KRT3: variants seen among roughly 807,000 people sequenced by gnomAD.
The protein encoded by KRT3 is keratin 3.
A neutral mutation model predicts 45.8 loss-of-function variants in KRT3; 34 were observed. The ratio of observed to expected loss-of-function variants is 0.74; its 90% CI spans 0.57 to 0.99. KRT3 has a LOEUF of 0.99. Among genes scored for constraint, KRT3 ranks in the 50% least tolerant of loss-of-function variants. The pLI is 0.00. For synonymous variants in KRT3, 367 were observed against 329.0 expected (o/e 1.12, Z -1.25); for missense variants, 828 against 820.6 (o/e 1.01, Z -0.11).
Position 52,795,865 on chromosome 12 carries a change from G to T in KRT3, c.178C>A (p.Leu60Met), listed in dbSNP as rs1565679806. 6.2e-7 allele frequency: 1 copy of T among 1,614,166 alleles called. No homozygotes were observed. The highest frequency in any genetic ancestry group is 1.7e-5 in the Admixed American group (1 of 60,030). The change falls in exon 1 of 9, where the codon CTG becomes ATG. Residue 60 changes from leucine (L) to methionine (M), a missense_variant. Transcript: ENST00000417996. ...ATGGAGATGCTCTTGTTGCCGCCCAGGTTGTAGAGGCTGCGACTGCCAAAG... is the reference window on the plus strand; with the variant it reads ...ATGGAGATGCTCTTGTTGCCGCCCATGTTGTAGAGGCTGCGACTGCCAAAG... ...GGFGSRSLYNLGGNKSISISV... is the reference protein window; with the variant it reads ...GGFGSRSLYNMGGNKSISISV...
At position 52,792,421 on chromosome 12, in the gene KRT3, GC is replaced by G. The variant is rs752343991; in HGVS notation, c.1024-19del. 9 of 1,612,518 alleles carry G rather than the reference GC, an allele frequency of 5.6e-6. No homozygotes were observed. The African/African-American group carries it at 8.0e-5, about 14-fold the overall frequency. ...GATAGCTCCTGTCAACACAGAGGGA[GC>G]TTGTTCACTTTTGGGGTCCCTGTAA... On this transcript the variant is annotated intron_variant, in intron 4 of 8. Transcript: ENST00000417996.
At chr12:52,794,907 G>A (rs149101647) in intron 1 of KRT3, among the ~76,000 whole-genome samples, 52 of 152,322 alleles carry the variant, frequency 3.4e-4, no homozygotes, top group Non-Finnish European at 6.3e-4. Context: ...TCATTTCTCT[G>A]CGCTCCCTTG....
At position 52,795,381 on chromosome 12, in the gene KRT3, A is replaced by G. The variant is rs1939612442; in HGVS notation, c.645+17T>C. 2 of 1,613,826 alleles carry G rather than the reference A, an allele frequency of 1.2e-6. No homozygotes were observed. Among genetic ancestry groups the G allele is most frequent in the Non-Finnish European group, 8.5e-7 (1 of 1,179,954 alleles). On this transcript the variant is annotated intron_variant, in intron 1 of 8. Coordinates refer to ENST00000417996, the MANE Select transcript of KRT3 (RefSeq NM_057088.3). Reference sequence around the variant, plus strand: ...GTCCCCAGCCCAGGAAGGGATGACCAGTCAAAGCTTCATTACCTTGTCAAT... The same window carrying G: ...GTCCCCAGCCCAGGAAGGGATGACCGGTCAAAGCTTCATTACCTTGTCAAT...
Position 52,796,092 on chromosome 12 carries a change from G to A in KRT3, c.-50C>T, listed in dbSNP as rs956108694. On this transcript the variant is annotated 5_prime_UTR_variant, in exon 1 of 9. Transcript: ENST00000417996. ...AGTGTAAGTTAAGCAGGGACACTGA[G>A]AGTCAGAGGAAGAGGGATGGGAAAT... 2 of 1,588,794 alleles carry A rather than the reference G, an allele frequency of 1.3e-6. No individual in the cohort carries two copies. Among genetic ancestry groups the A allele is most frequent in the Admixed American group, 3.4e-5 (2 of 59,606 alleles).
In KRT3 at chr12:52,792,739, A is replaced by G; in HGVS notation, c.995T>C (p.Ile332Thr). ...GTCGTAGAGGGTCCTTAAGAAGTCG[A>G]TCTCATCTATCAAGGCATCCACTTT... ...QAKVDALIDE[I>T]DFLRTLYDAE... The change falls in exon 4 of 9, where the codon ATC becomes ACC. Residue 332 changes from isoleucine to threonine, a missense_variant. Transcript: ENST00000417996. 2.5e-6 allele frequency: 4 copies of G among 1,613,046 alleles called. No individual in the cohort carries two copies. The highest frequency in any genetic ancestry group is 3.4e-6 in the Non-Finnish European group (4 of 1,179,134).
rs373416164 is a variant in KRT3 at position 52,793,247 on chromosome 12, C to G, written c.867-24G>C. 5.1e-6 allele frequency: 8 copies of G among 1,572,750 alleles called. No homozygotes were observed. The Admixed American group carries it at 1.3e-4, about 25-fold the overall frequency. ...ATCTGTGTGAATAAAAAAGAAACAGCTGAGTTTGGTTTTGAGGTCATCGTA... is the reference window on the plus strand; with the variant it reads ...ATCTGTGTGAATAAAAAAGAAACAGGTGAGTTTGGTTTTGAGGTCATCGTA... On this transcript the variant is annotated intron_variant, in intron 2 of 8. Coordinates refer to ENST00000417996, the MANE Select transcript of KRT3 (RefSeq NM_057088.3).
rs1939626240 is a variant in KRT3, at chr12:52,795,723, C to G, written c.320G>C (p.Gly107Ala). ...FGSGYGGGFGGGFGGGRGMGG... is the reference protein window; with the variant it reads ...FGSGYGGGFGAGFGGGRGMGG... ...CATTCCTCTGCCACCACCAAAGCCA[C>G]CACCAAAGCCACCTCCATAGCCGCT... The change falls in exon 1 of 9, where the codon GGT becomes GCT. Residue 107 changes from glycine to alanine, a missense_variant. By Grantham distance (60) the Gly-to-Ala change is moderately conservative (BLOSUM62 0). Coordinates refer to ENST00000417996, the MANE Select transcript of KRT3 (RefSeq NM_057088.3). 3 of 1,613,598 alleles carry G rather than the reference C, an allele frequency of 1.9e-6. No individual in the cohort carries two copies. Among genetic ancestry groups the G allele is most frequent in the Non-Finnish European group, 2.5e-6 (3 of 1,179,844 alleles).
Position 52,793,236 on chromosome 12 carries a change from A to G in KRT3, c.867-13T>C. ...TTCATCCTCATATCTGTGTGAATAA[A>G]AAAGAAACAGCTGAGTTTGGTTTTG... On this transcript the variant is annotated splice_polypyrimidine_tract_variant and intron_variant, in intron 2 of 8. Transcript: ENST00000417996. 6.3e-7 allele frequency: 1 copy of G among 1,590,880 alleles called. No homozygotes were observed.
At chr12:52,793,011 A>G (rs1939560280) in intron 3 of KRT3, among the ~76,000 whole-genome samples, 152 bp downstream of exon 3, 1 of 152,174 alleles carries the variant, frequency 6.6e-6, no homozygotes, top group Non-Finnish European at 1.5e-5. Flanking sequence ...TAACTCTTTT[A>G]GGGATCTTCC....
Position 52,794,159 on chromosome 12 carries a change from T to A in KRT3, c.818A>T (p.Asp273Val). 6.2e-7 allele frequency: 1 copy of A among 1,614,148 alleles called. No homozygotes were observed. Among genetic ancestry groups the A allele is most frequent in the Non-Finnish European group, 8.5e-7 (1 of 1,180,038 alleles). Residue 273 changes from aspartate (D) to valine (V), a missense_variant, in exon 2 of 9, where the codon GAC (aspartate) becomes GTC (valine). Transcript: ENST00000417996. ...DNILGERGRL[D>V]SELKNMEDLV... ...GTCCTCCATGTTCTTCAGCTCAGAG[T>A]CCAGGCGCCCTCTCTCCCCGAGGAT...
Position 52,795,454 on chromosome 12 carries a change from G to C in KRT3, c.589C>G (p.Gln197Glu), listed in dbSNP as rs1939614665. Residue 197 changes from glutamine to glutamate, a missense_variant, in exon 1 of 9, where the codon CAG becomes GAG. Physicochemically the swap from Gln to Glu is conservative, Grantham distance 29. Coordinates refer to ENST00000417996, the MANE Select transcript of KRT3 (RefSeq NM_057088.3). ...AGGGTCTTGATCTGTTCCCGCTCCT[G>C]GGCCTTTACTTGCCCAATCTGGGGG... ...IDPQIGQVKA[Q>E]EREQIKTLNN... 2 of 1,614,158 alleles carry C rather than the reference G, an allele frequency of 1.2e-6. No individual in the cohort carries two copies. Among genetic ancestry groups the C allele is most frequent in the Non-Finnish European group, 1.7e-6 (2 of 1,180,028 alleles).
Position 52,791,781 on chromosome 12 carries a change from C to T in KRT3, c.1224G>A (p.Gly408=), listed in dbSNP as rs201333279. 89 of 1,614,054 alleles carry T rather than the reference C, an allele frequency of 5.5e-5. 1 individual carries two copies. The South Asian group carries it at 8.2e-4, about 15-fold the overall frequency. The change falls in exon 6 of 9, where the codon GGG becomes GGA. Residue 408 remains glycine, a synonymous_variant. Transcript: ENST00000417996. The part of the protein sequence containing the change: ...GELQTTAGRH[G]DDLRNTKSEI... ...CGCTCTTGGTATTTCTTAGGTCATC[C>T]CCATGCCTGCCAGCCGTGGTCTGCA...
chr12:52,795,465 T>C lies in KRT3; in HGVS notation c.578A>G (p.Gln193Arg). The change falls in exon 1 of 9, where the codon CAA (glutamine) becomes CGA (arginine). Residue 193 changes from glutamine (Q) to arginine (R), a missense_variant. Transcript: ENST00000417996. The stretch of plus-strand genomic sequence containing the variant: ...CTGTTCCCGCTCCTGGGCCTTTACT[T>C]GCCCAATCTGGGGGTCGATCTCCAC... ...LNVEIDPQIGQVKAQEREQIK... is the reference protein window; with the variant it reads ...LNVEIDPQIGRVKAQEREQIK... 6.2e-7 allele frequency: 1 copy of C among 1,614,028 alleles called. No homozygotes were observed. The highest frequency in any genetic ancestry group is 8.5e-7 in the Non-Finnish European group (1 of 1,180,000).
chr12:52,790,216 T>A lies in KRT3; in HGVS notation c.1713A>T (p.Gly571=), dbSNP rs200112473. ...GSGFGRGGGG[G]IGGGFGGGSS... ...TGCCGCCGCCAAATCCACCGCCGATTCCACCGCCGCCTCCCCGGCCAAAGC... is the reference window on the plus strand; with the variant it reads ...TGCCGCCGCCAAATCCACCGCCGATACCACCGCCGCCTCCCCGGCCAAAGC... The change falls in exon 9 of 9, where the codon GGA becomes GGT. Residue 571 remains glycine, a synonymous_variant. Coordinates refer to ENST00000417996, the MANE Select transcript of KRT3 (RefSeq NM_057088.3). The A allele has an allele frequency of 2.7e-6, 4 of 1,480,438 alleles. No homozygotes were observed. In the South Asian group the frequency reaches 4.8e-5, roughly 18 times the overall value. 91.7% of individuals were successfully genotyped at this position (1,480,438 alleles called of 1,614,324 possible).
In KRT3 at chr12:52,795,644, C is replaced by A. The variant is rs184322044; in HGVS notation, c.399G>T (p.Gly133=). The A allele has an allele frequency of 6.9e-7, 1 of 1,442,846 alleles. No individual in the cohort carries two copies. Among genetic ancestry groups the A allele is most frequent in the Non-Finnish European group, 8.8e-7 (1 of 1,137,918 alleles). 89.4% of individuals were successfully genotyped at this position (1,442,846 alleles called of 1,614,324 possible). The change falls in exon 1 of 9, where the codon GGG becomes GGT. Residue 133 remains glycine (G), a synonymous_variant. Transcript: ENST00000417996. The stretch of plus-strand genomic sequence containing the variant: ...CACCAGGACCACCAAAGCCACCAGC[C>A]CCTCCAAAGCCACCAGCCCCTCCAA... The part of the protein sequence containing the change: ...GGFGGAGGFG[G]AGGFGGPGGF...
At chr12:52,794,813 G>C (rs748389672) in intron 1 of KRT3, among the ~76,000 whole-genome samples, 8 of 152,182 alleles carry the variant, frequency 5.3e-5, no homozygotes, top group South Asian at 2.1e-4. Flanking sequence ...AGGGGAGGCA[G>C]CCCCATGAGA....
At chr12:52,793,672 A>G (rs1056019171) in intron 2 of KRT3, among the ~76,000 whole-genome samples, 3 of 151,950 alleles carry the variant, frequency 2.0e-5, no homozygotes, top group African/African-American at 7.3e-5. Context: ...ACTCACTGCA[A>G]CCTCCATTTC....
rs200393349 is a variant in KRT3, at chr12:52,795,780, G to C, written c.263C>G (p.Ala88Gly). 1.8e-4 allele frequency: 297 copies of C among 1,613,888 alleles called. No homozygotes were observed. Among genetic ancestry groups the C allele is most frequent in the Non-Finnish European group, 2.1e-4 (245 of 1,179,872 alleles). ...GGFGGGRSSC[A>G]FAGGYGGGFG... ...GCCACCTCCATAGCCACCTGCAAAG[G>C]CACAGCTGCTCCGCCCTCCCCCAAA... is the stretch of plus-strand genomic sequence containing the variant. Residue 88 changes from alanine to glycine, a missense_variant, in exon 1 of 9, where the codon GCC becomes GGC. Physicochemically the swap from Ala to Gly is moderately conservative, Grantham distance 60. Transcript: ENST00000417996.
chr12:52,794,579 T>C (rs140327586), intron 1 of KRT3, among the ~76,000 whole-genome samples: 63 of 152,306 alleles, frequency 4.1e-4, no homozygotes, highest in Non-Finnish European at 5.9e-4. Flanking sequence ...CTGAAAGCAA[T>C]AGAATTATTG....
Sources: allele counts gnomAD v4.1 joint callset (sites outside exome capture counted in the v4.1 genomes callset), GRCh38; gene constraint gnomAD v4.1.1; transcripts MANE v1.5; gene names NCBI Gene and HGNC (gene_info 2026-07-23, HGNC 2026-07-21).